The following ADARB2 variants were observed in gnomAD, a reference collection of about 807,000 sequenced individuals.
ADARB2 encodes inactive double-stranded RNA-specific editase B2.
Under a neutral mutation model 62.2 loss-of-function variants are expected in ADARB2, and 25 were observed. The ratio of observed to expected loss-of-function variants is 0.40; its 90% CI spans 0.29 to 0.56. The LOEUF is 0.56. ADARB2 is among the 20% of genes least tolerant of loss of function. ADARB2 has a pLI of 0.43. For missense variants in ADARB2, 1,071 were observed against 1,077.4 expected (o/e 0.99, Z 0.08); for synonymous variants, 572 against 500.8 (o/e 1.14, Z -1.90).
intron 1 of ADARB2, among the ~76,000 whole-genome samples, chr10:1,642,592 T>C (rs948378819): frequency 6.6e-6 from 1 of 152,114 alleles, no homozygotes; most frequent in African/African-American, 2.4e-5. Context: ...AAAAGCAAGA[T>C]AAAGAAGGAG....
intron 1 of ADARB2, among the ~76,000 whole-genome samples, chr10:1,647,366 C>T (rs185527443): frequency 1.2e-4 from 18 of 151,908 alleles, no homozygotes; most frequent in African/African-American, 3.4e-4. Flanking sequence ...TGTGTGCACA[C>T]GTGTGTCTAT....
chr10:1,520,148 G>A (rs917412987), intron 1 of ADARB2, among the ~76,000 whole-genome samples: 6 of 152,200 alleles, frequency 3.9e-5, no homozygotes, highest in African/African-American at 1.4e-4. Context: ...TCCATACACA[G>A]GAGCATATGC....
At chr10:1,300,914 A>G (rs1358190673) in intron 3 of ADARB2, among the ~76,000 whole-genome samples, 1 of 152,252 alleles carries the variant, frequency 6.6e-6, no homozygotes, top group Non-Finnish European at 1.5e-5. Context: ...TATGCAATGT[A>G]AGATGCTGCT....
chr10:1,255,398 T>G lies in ADARB2; in HGVS notation c.1193-13099A>C, dbSNP rs1232023415. Among the ~76,000 whole-genome samples the G allele has an allele frequency of 6.6e-6, 1 of 152,128 alleles. No individual in the cohort carries two copies. The highest frequency in any genetic ancestry group is 1.5e-5 in the Non-Finnish European group (1 of 68,014). ...GTGCCAGGCACATGTGAGCGCTGGG[T>G]CTACACACTAATCAAACATGCTGCT... On this transcript the variant is annotated intron_variant, in intron 4 of 9. Coordinates refer to ENST00000381312, the MANE Select transcript of ADARB2 (RefSeq NM_018702.4). This position sits in a 1 kb window ranked among gnomAD's most constrained non-coding sequence, Gnocchi z 4.7.
intron 1 of ADARB2, among the ~76,000 whole-genome samples, chr10:1,537,684 CCATCATCCT>C (rs1832351374): frequency 6.6e-6 from 1 of 152,126 alleles, no homozygotes; most frequent in Admixed American, 6.5e-5. Flanking sequence ...AAGCTGGAAA[CCATCATCCT>C]CAGCAAACTA....
At chr10:1,580,670 T>C (rs1833085765) in intron 1 of ADARB2, among the ~76,000 whole-genome samples, 1 of 152,172 alleles carries the variant, frequency 6.6e-6, no homozygotes, top group Non-Finnish European at 1.5e-5. Flanking sequence ...TTCTATGGGC[T>C]TGGACCGGTG....
At chr10:1,448,624 C>A (rs1830999052) in intron 1 of ADARB2, among the ~76,000 whole-genome samples, 1 of 152,190 alleles carries the variant, frequency 6.6e-6, no homozygotes, top group Non-Finnish European at 1.5e-5. Flanking sequence ...TCTCACATAG[C>A]TTCTTATGTT....
At chr10:1,698,218 CTCTT>C (rs1390260038) in intron 1 of ADARB2, among the ~76,000 whole-genome samples, 3 of 152,162 alleles carry the variant, frequency 2.0e-5, no homozygotes, top group African/African-American at 4.8e-5. Context: ...GTTGCTTTTT[CTCTT>C]TCTTATGAAC....
chr10:1,616,568 G>T (rs1265213158), intron 1 of ADARB2, among the ~76,000 whole-genome samples: 1 of 10,600 alleles, frequency 9.4e-5, no homozygotes. Context: ...GACACACTCC[G>T]CACCACCCTG....
chr10:1,343,898 G>A (rs1161886256), intron 3 of ADARB2, among the ~76,000 whole-genome samples: 2 of 152,142 alleles, frequency 1.3e-5, no homozygotes, highest in African/African-American at 4.8e-5. Context: ...GGAGGGTGAG[G>A]ACTGAAAATC....
chr10:1,279,091 T>C (rs1473840519), intron 3 of ADARB2, among the ~76,000 whole-genome samples: 1 of 152,224 alleles, frequency 6.6e-6, no homozygotes, highest in East Asian at 1.9e-4. Context: ...GGGGCTGCCG[T>C]AAAAGAATAC....
At position 1,363,217 on chromosome 10, in the gene ADARB2, T is replaced by C. The variant is rs773849541; in HGVS notation, c.888A>G (p.Ala296=). 18 of 1,460,116 alleles carry C rather than the reference T, an allele frequency of 1.2e-5. No homozygotes were observed. The highest frequency in any genetic ancestry group is 1.5e-5 in the Non-Finnish European group (17 of 1,107,388). 90.4% of individuals were successfully genotyped at this position (1,460,116 alleles called of 1,614,324 possible). A position where few individuals can be genotyped will look rare whatever the true frequency, so the allele number is the denominator to read the frequency against. ...TCCGCGCGCGCCGCTCGGCCGGTTC[T>C]GCCAGACACACGTAGCGCAGCCCGG... ...LRAGLRYVCL[A]EPAERRARSF... Residue 296 remains alanine (A), a synonymous_variant, in exon 3 of 10, where the codon GCA becomes GCG. Coordinates refer to ENST00000381312, the MANE Select transcript of ADARB2 (RefSeq NM_018702.4).
At chr10:1,715,932 A>G (rs1410442297) in intron 1 of ADARB2, among the ~76,000 whole-genome samples, 3 of 152,196 alleles carry the variant, frequency 2.0e-5, no homozygotes, top group African/African-American at 7.2e-5. Context: ...GGTGCTGTGC[A>G]CACTTCTCGC....
At chr10:1,361,348 G>A (rs762023875) in intron 3 of ADARB2, 7 of 152,186 alleles carry the variant, frequency 4.6e-5, no homozygotes, top group South Asian at 2.1e-4. Flanking sequence ...AGGCCCCAGC[G>A]CCCTTGTGAG....
chr10:1,595,366 C>T (rs996936800), intron 1 of ADARB2, among the ~76,000 whole-genome samples: 1 of 152,146 alleles, frequency 6.6e-6, no homozygotes, highest in South Asian at 2.1e-4. Flanking sequence ...ACTGAGCACC[C>T]GGCAGTGGCA....
chr10:1,233,978 C>CTTTTTTTTTTTTTTTTTTTTTTTTTT (rs1589160330), intron 5 of ADARB2, 133 bp from the exon 6 acceptor site: 1 of 433,412 alleles, frequency 2.3e-6, no homozygotes. Flanking sequence ...TTTTTTTTTC[C>CTTTTTTTTTTTTTTTTTTTTTTTTTT]TTTTTTTTTT....
At chr10:1,209,387 A>G (rs560305066) in intron 7 of ADARB2, among the ~76,000 whole-genome samples, 3,400 of 113,044 alleles carry the variant, frequency 0.03, 251 homozygotes, top group African/African-American at 0.12. Flanking sequence ...CTACAGCCTC[A>G]CCCACACCCA....
At chr10:1,502,422 T>A (rs544066461) in intron 1 of ADARB2, among the ~76,000 whole-genome samples, 10 of 152,246 alleles carry the variant, frequency 6.6e-5, no homozygotes, top group Non-Finnish European at 1.3e-4. Context: ...TCAAAAGCAA[T>A]AAAAGGTGCT....
chr10:1,435,475 C>T (rs1380203166), intron 1 of ADARB2, among the ~76,000 whole-genome samples: 3 of 152,160 alleles, frequency 2.0e-5, no homozygotes, highest in African/African-American at 7.2e-5. Flanking sequence ...GCTGAGCCTC[C>T]TTCTGCGCAA....
Sources: allele counts gnomAD v4.1 joint callset (sites outside exome capture counted in the v4.1 genomes callset), GRCh38; gene constraint gnomAD v4.1.1; non-coding constraint Gnocchi (gnomAD v3.1); transcripts MANE v1.5; gene names NCBI Gene and HGNC (gene_info 2026-07-23, HGNC 2026-07-21).